Variants in PTPN14 observed in about 807,000 individuals in gnomAD.
The protein encoded by PTPN14 is protein tyrosine phosphatase non-receptor type 14, also known as tyrosine-protein phosphatase non-receptor type 14.
Under a neutral mutation model 126.8 loss-of-function variants are expected in PTPN14, and 53 were observed. That is an observed-to-expected ratio of 0.42 (90% confidence interval 0.34 to 0.53). The LOEUF (loss-of-function observed/expected upper bound fraction) is 0.53. Among genes scored for constraint, PTPN14 ranks in the 20% least tolerant of loss-of-function variants. PTPN14 has a pLI of 0.08. For missense variants in PTPN14, 1,257 were observed against 1,552.9 expected, an observed-to-expected ratio of 0.81 and a Z score of 3.20; for synonymous variants, 630 against 599.3, an observed-to-expected ratio of 1.05 and a Z score of -0.75.
At chr1:214,474,813 A>T (rs910073729) in intron 1 of PTPN14, among the ~76,000 whole-genome samples, 1 of 152,144 alleles carries the variant, frequency 6.6e-6, no homozygotes, top group African/African-American at 2.4e-5. Context: ...GTTTAAAAAG[A>T]TCATTTCTCC....
intron 1 of PTPN14, among the ~76,000 whole-genome samples, chr1:214,524,539 C>T (rs1273246208): frequency 6.6e-6 from 1 of 151,996 alleles, no homozygotes; most frequent in African/African-American, 2.4e-5. Context: ...GTAGTCCCAG[C>T]TCCTCGGAAG....
intron 13 of PTPN14, among the ~76,000 whole-genome samples, chr1:214,380,372 T>C (rs1228950273): frequency 1.3e-5 from 2 of 152,140 alleles, no homozygotes; most frequent in Admixed American, 6.5e-5. Context: ...GTATGTCTCT[T>C]TGATCCTTCT....
intron 3 of PTPN14, among the ~76,000 whole-genome samples, chr1:214,437,830 A>G (rs1659954159): frequency 6.6e-6 from 1 of 152,230 alleles, no homozygotes; most frequent in Non-Finnish European, 1.5e-5. Flanking sequence ...TACTAACAGA[A>G]AAGACCAGCT....
intron 1 of PTPN14, among the ~76,000 whole-genome samples, chr1:214,516,015 C>G (rs1025334951): frequency 1.3e-5 from 2 of 152,130 alleles, no homozygotes; most frequent in Admixed American, 1.3e-4. Context: ...CTTTTCAAAG[C>G]TCTTAATACC....
chr1:214,390,264 A>T (rs975849588), intron 11 of PTPN14, among the ~76,000 whole-genome samples: 1 of 152,266 alleles, frequency 6.6e-6, no homozygotes, highest in Non-Finnish European at 1.5e-5. Flanking sequence ...ACCAATTCTT[A>T]ACATCTGTTA....
Position 214,350,695 on chromosome 1 carries a change from C to A in PTPN14, c.*7227G>T, listed in dbSNP as rs1657686788. ...AGCTGGGATTACAGGCATGTGCCAC[C>A]ATGCCTGGCTAATTTTTTTTTTTTT... On this transcript the variant is annotated 3_prime_UTR_variant, in exon 19 of 19. Coordinates refer to ENST00000366956, the MANE Select transcript of PTPN14 (RefSeq NM_005401.5). The A allele has an allele frequency of 7.0e-6, 1 of 143,114 alleles. No individual in the cohort carries two copies. Among genetic ancestry groups the A allele is most frequent in the African/African-American group, 2.6e-5 (1 of 38,504 alleles). The allele number at this position is 143,114 out of a possible 1,614,324, so 8.9% of individuals were successfully genotyped here.
At chr1:214,499,746 T>C (rs1466443816) in intron 1 of PTPN14, among the ~76,000 whole-genome samples, 1 of 152,056 alleles carries the variant, frequency 6.6e-6, no homozygotes, top group Non-Finnish European at 1.5e-5. Flanking sequence ...GCTCCATAAA[T>C]TTGTTATATT....
intron 1 of PTPN14, among the ~76,000 whole-genome samples, chr1:214,469,092 G>A (rs1242456637): frequency 6.6e-6 from 1 of 152,114 alleles, no homozygotes; most frequent in South Asian, 2.1e-4. Context: ...CTCATTTAAG[G>A]CATCTCTTAC....
Position 214,384,101 on chromosome 1 carries a change from T to G in PTPN14, c.1754A>C (p.His585Pro), listed in dbSNP as rs774058859. 3.0e-5 allele frequency: 47 copies of G among 1,571,116 alleles called. No homozygotes were observed. The highest frequency in any genetic ancestry group is 3.6e-5 in the Non-Finnish European group (42 of 1,161,712). Residue 585 changes from histidine to proline, a missense_variant, in exon 13 of 19, where the codon CAC becomes CCC. Around this residue, in one of 3 missense-constraint regions of PTPN14, gnomAD observed 1,021 missense variants for 1,183.3 expected, o/e 0.86. Coordinates refer to ENST00000366956, the MANE Select transcript of PTPN14 (RefSeq NM_005401.5). This position sits in a 1 kb window ranked among gnomAD's most constrained non-coding sequence, Gnocchi z 5.3. ...GCTGCCGCTGACGTACTTGTGGCGG[T>G]GGCTGGCCAGGTCTGGGGTGCTGGT... ...PATSTPDLAS[H>P]RHKYVSGSSP...
Position 214,397,896 on chromosome 1 carries a change from C to T in PTPN14, c.758+17G>A. 2 of 1,565,612 alleles carry T rather than the reference C, an allele frequency of 1.3e-6. No individual in the cohort carries two copies. Among genetic ancestry groups the T allele is most frequent in the Non-Finnish European group, 1.8e-6 (2 of 1,141,568 alleles). ...CAAGGTAAAAAAGAAAAAAGAAAAA[C>T]AAACAAATAAGACTACCTGTATATT... On this transcript the variant is annotated intron_variant, in intron 8 of 18. Transcript: ENST00000366956.
chr1:214,402,319 A>G (rs1375901340), intron 6 of PTPN14, among the ~76,000 whole-genome samples: 1 of 151,140 alleles, frequency 6.6e-6, no homozygotes, highest in South Asian at 2.1e-4. Context: ...ATGTGCCTGT[A>G]ATCCCAGCTA....
chr1:214,418,288 C>A (rs1659470062), intron 3 of PTPN14, among the ~76,000 whole-genome samples: 1 of 152,190 alleles, frequency 6.6e-6, no homozygotes, highest in Admixed American at 6.5e-5. Context: ...AGGTGGGCAG[C>A]AAATAAACCT....
chr1:214,395,929 C>T (rs998322238), intron 8 of PTPN14, among the ~76,000 whole-genome samples: 3 of 151,992 alleles, frequency 2.0e-5, no homozygotes, highest in African/African-American at 4.8e-5. Flanking sequence ...CCTACCCACA[C>T]GTGAGGAGAA....
At chr1:214,450,562 A>G (rs1423760642) in intron 3 of PTPN14, among the ~76,000 whole-genome samples, 1 of 152,180 alleles carries the variant, frequency 6.6e-6, no homozygotes, top group Non-Finnish European at 1.5e-5. Flanking sequence ...GAGCATCCTT[A>G]TATCAGAAAT....
Position 214,411,944 on chromosome 1 carries a change from G to A in PTPN14, c.443-193C>T, listed in dbSNP as rs148651686. On this transcript the variant is annotated intron_variant, in intron 4 of 18. Transcript: ENST00000366956. Reference sequence around the variant, plus strand: ...CAATATGGTAAATATCAGCATGTAAGCACCACTACATGAATTTTTAGAAAT... The same window carrying A: ...CAATATGGTAAATATCAGCATGTAAACACCACTACATGAATTTTTAGAAAT... Among the ~76,000 whole-genome samples, 400 of 152,162 alleles carry A rather than the reference G, an allele frequency of 2.6e-3. 2 individuals carry two copies. Among genetic ancestry groups the A allele is most frequent in the East Asian group, 0.016 (85 of 5,180 alleles).
chr1:214,439,658 C>T lies in PTPN14; in HGVS notation c.344+12147G>A, dbSNP rs116284938. ...GTTGCAACATGTCCCGCTATGATTA[C>T]GCCTCCTCTGCTTTTACAAAGTACA... On this transcript the variant is annotated intron_variant, in intron 3 of 18. Transcript: ENST00000366956. Among the ~76,000 whole-genome samples, 293 of 152,300 alleles carry T rather than the reference C, an allele frequency of 1.9e-3. 1 individual carries two copies. The highest frequency in any genetic ancestry group is 6.8e-3 in the African/African-American group (283 of 41,562).
At chr1:214,483,134 C>A in intron 1 of PTPN14, 3 of 1,608,272 alleles carry the variant, frequency 1.9e-6, no homozygotes, top group Non-Finnish European at 2.6e-6. Context: ...ATCTAAAATG[C>A]CAAGTTCACT....
At chr1:214,458,948 G>T (rs1660446213) in intron 2 of PTPN14, among the ~76,000 whole-genome samples, 1 of 137,070 alleles carries the variant, frequency 7.3e-6, no homozygotes, top group Non-Finnish European at 1.5e-5. Context: ...TTGGAATTCT[G>T]ATTTTCTGAG....
intron 1 of PTPN14, among the ~76,000 whole-genome samples, chr1:214,545,543 G>T (rs1372329665): frequency 6.6e-6 from 1 of 152,102 alleles, no homozygotes; most frequent in Non-Finnish European, 1.5e-5. Flanking sequence ...GTTTTGGAGG[G>T]GACATTCAAA....
Sources: gnomAD v4.1 joint callset for allele counts (sites outside exome capture counted in the v4.1 genomes callset) on GRCh38, gnomAD v4.1.1 for gene constraint, gnomAD v4.1.1 regional missense constraint, Gnocchi (gnomAD v3.1) non-coding constraint, MANE v1.5 for transcripts, NCBI Gene and HGNC (gene_info 2026-07-23, HGNC 2026-07-21) for gene names.